The following MED12L variants were observed in gnomAD, a reference collection of about 807,000 sequenced individuals.
MED12L encodes mediator complex subunit 12L.
Under a neutral mutation model 281.3 loss-of-function variants are expected in MED12L, and 60 were observed. The observed-to-expected ratio is 0.21, with a 90% CI of 0.17 to 0.26. The LOEUF (loss-of-function observed/expected upper bound fraction) is 0.26, where lower values mean the gene tolerates loss of function less well. MED12L is among the 10% of genes least tolerant of loss of function. The pLI is 1.00. For synonymous variants in MED12L, 974 were observed against 987.2 expected (o/e 0.99, Z 0.25); for missense variants, 2,146 against 2,680.9 (o/e 0.80, Z 4.41).
chr3:151,393,467 G>A (rs1714555888), intron 38 of MED12L, among the ~76,000 whole-genome samples: 1 of 152,158 alleles, frequency 6.6e-6, no homozygotes. Flanking sequence ...TCTCTGATAA[G>A]TGGAGGGATG....
Position 151,416,326 on chromosome 3 carries a change from GCAGCCCCAGCCCCAGCAGCCTCCC to G in MED12L, c.6323_6346del (p.Pro2108_Gln2115del). On this transcript the variant is annotated inframe_deletion, in exon 43 of 45. Transcript: ENST00000687756. Reference sequence around the variant, plus strand: ...CCTCTTTCCAGATGCAGCAGCCCCAGCAGCCCCAGCCCCAGCAGCCTCCCCAGCCCCAGCAGTCCTCGCAGTCCC... The same window carrying G: ...CCTCTTTCCAGATGCAGCAGCCCCAGCAGCCCCAGCAGTCCTCGCAGTCCC... 1 of 1,611,454 alleles carries G rather than the reference GCAGCCCCAGCCCCAGCAGCCTCCC, an allele frequency of 6.2e-7. No individual in the cohort carries two copies. The highest frequency in any genetic ancestry group is 8.5e-7 in the Non-Finnish European group (1 of 1,178,674).
chr3:151,259,152 C>T (rs1456266994), intron 16 of MED12L, among the ~76,000 whole-genome samples: 1 of 152,216 alleles, frequency 6.6e-6, no homozygotes, highest in African/African-American at 2.4e-5. Flanking sequence ...GGTGGTGCCT[C>T]TGCATATTTC....
intron 2 of MED12L, among the ~76,000 whole-genome samples, chr3:151,109,763 G>A (rs1711584882): frequency 6.6e-6 from 1 of 152,162 alleles, no homozygotes; most frequent in Non-Finnish European, 1.5e-5. Flanking sequence ...GGTCTCTTCT[G>A]CTTCCCAACA....
At chr3:151,240,602 A>G (rs1316620522) in intron 16 of MED12L, among the ~76,000 whole-genome samples, 7 of 152,038 alleles carry the variant, frequency 4.6e-5, no homozygotes, top group Non-Finnish European at 1.0e-4. Context: ...ATTCAAATCT[A>G]GTTGTTTATC....
intron 16 of MED12L, among the ~76,000 whole-genome samples, chr3:151,297,440 G>A (rs1186202399): frequency 6.6e-6 from 1 of 152,208 alleles, no homozygotes. Context: ...GAGAGGACAT[G>A]TGAGTTTAAA....
Position 151,158,697 on chromosome 3 carries a change from G to A in MED12L, c.735G>A (p.Met245Ile), listed in dbSNP as rs1719604965. ...TTCTTTGTTCATTTAAGGAAGGAAT[G>A]TTAGAAAAACACGAATATTTGACAT... ...KLAFHMFQEG[M>I]LEKHEYLTWI... The change falls in exon 7 of 45, where the codon ATG becomes ATA. Residue 245 changes from methionine to isoleucine, a missense_variant. This residue lies in a region of MED12L where 722 missense variants were observed against 861.2 expected (regional missense o/e 0.84). Transcript: ENST00000687756. 1 of 1,605,174 alleles carries A rather than the reference G, an allele frequency of 6.2e-7. No homozygotes were observed. The highest frequency in any genetic ancestry group is 8.5e-7 in the Non-Finnish European group (1 of 1,174,036).
At chr3:151,290,967 T>C (rs566736088) in intron 16 of MED12L, among the ~76,000 whole-genome samples, 17 of 152,184 alleles carry the variant, frequency 1.1e-4, no homozygotes, top group Non-Finnish European at 1.9e-4. Flanking sequence ...TTCTTAAGTA[T>C]TTAATTTTAG....
At chr3:151,217,296 G>A (rs1728425966) in intron 16 of MED12L, among the ~76,000 whole-genome samples, 1 of 152,134 alleles carries the variant, frequency 6.6e-6, no homozygotes, top group Admixed American at 6.5e-5. Context: ...TCAGAGTCTT[G>A]TGTCTTTTGT....
intron 38 of MED12L, among the ~76,000 whole-genome samples, chr3:151,393,043 T>G (rs1453978659): frequency 1.3e-5 from 2 of 152,164 alleles, no homozygotes; most frequent in Non-Finnish European, 2.9e-5. Context: ...TGATCTTCTG[T>G]TTTTTTCCAA....
intron 16 of MED12L, among the ~76,000 whole-genome samples, chr3:151,324,790 T>C (rs1432774065): frequency 2.0e-5 from 3 of 152,260 alleles, no homozygotes; most frequent in African/African-American, 7.2e-5. Flanking sequence ...ATGTGTTCTG[T>C]ATTCATATTT....
chr3:151,294,173 A>G, intron 16 of MED12L: 1 of 1,550,366 alleles, frequency 6.5e-7, no homozygotes, highest in Non-Finnish European at 8.9e-7. Context: ...AAAGGCCTAC[A>G]CATCAGTGTA....
chr3:151,197,970 A>G (rs1724905527), intron 16 of MED12L: 1 of 152,794 alleles, frequency 6.5e-6, no homozygotes, highest in Admixed American at 6.5e-5. Context: ...AATAGGCACA[A>G]GTTGTTATAT....
chr3:151,280,984 C>T (rs1039277045), intron 16 of MED12L, among the ~76,000 whole-genome samples: 2 of 152,044 alleles, frequency 1.3e-5, no homozygotes, highest in Non-Finnish European at 2.9e-5. Flanking sequence ...ATGCTTAAAT[C>T]ACAGTTTAGC....
intron 41 of MED12L, among the ~76,000 whole-genome samples, chr3:151,412,006 CT>C (rs1445484849): frequency 2.0e-5 from 3 of 152,182 alleles, no homozygotes; most frequent in Admixed American, 1.3e-4. Context: ...TTATGATAGA[CT>C]TTTTTCTGTT....
At chr3:151,122,139 A>T (rs967990393) in intron 3 of MED12L, among the ~76,000 whole-genome samples, 38 of 152,334 alleles carry the variant, frequency 2.5e-4, no homozygotes, top group African/African-American at 8.7e-4. Flanking sequence ...AATTCATAGT[A>T]GCTTTCTTTG....
chr3:151,319,912 C>T (rs574054334), intron 16 of MED12L, among the ~76,000 whole-genome samples: 6 of 152,034 alleles, frequency 3.9e-5, no homozygotes, highest in Non-Finnish European at 5.9e-5. Flanking sequence ...GAGACAGGGG[C>T]GCTCAAGGAG....
rs537432613 is a variant in MED12L at position 151,352,972 on chromosome 3, TATC to T, written c.2399-2146_2399-2144del. 3.9e-5 allele frequency among the ~76,000 whole-genome samples: 6 copies of T among 152,308 alleles called. No homozygotes were observed. In the South Asian group the frequency reaches 1.0e-3, roughly 26 times the overall value. ...TTGACTATAATGTTACTCATGTAAA[TATC>T]ATTAAAATAAAGTATTTCGTTGAGA... On this transcript the variant is annotated intron_variant, in intron 17 of 44. Coordinates refer to ENST00000687756, the MANE Select transcript of MED12L (RefSeq NM_001393769.1).
chr3:151,299,223 A>G (rs886461293), intron 16 of MED12L, among the ~76,000 whole-genome samples: 1 of 152,198 alleles, frequency 6.6e-6, no homozygotes, highest in Non-Finnish European at 1.5e-5. Context: ...GAAAGTCTCA[A>G]CATATGTCAC....
At chr3:151,125,159 C>T (rs1415076919) in intron 4 of MED12L, among the ~76,000 whole-genome samples, 1 of 152,194 alleles carries the variant, frequency 6.6e-6, no homozygotes, top group Non-Finnish European at 1.5e-5. Context: ...TGTAATGCAA[C>T]AAGGTGAGGA....
Sources: gnomAD v4.1 joint callset for allele counts (sites outside exome capture counted in the v4.1 genomes callset) on GRCh38, gnomAD v4.1.1 for gene constraint, gnomAD v4.1.1 regional missense constraint, MANE v1.5 for transcripts, NCBI Gene and HGNC (gene_info 2026-07-23, HGNC 2026-07-21) for gene names.